The following SV2C variants were observed in gnomAD, a reference collection of about 807,000 sequenced individuals.
SV2C encodes the protein synaptic vesicle glycoprotein 2C.
Under a neutral mutation model 79.7 loss-of-function variants are expected in SV2C, and 49 were observed. The ratio of observed to expected loss-of-function variants is 0.61; its 90% CI spans 0.49 to 0.78. The LOEUF (loss-of-function observed/expected upper bound fraction) is 0.78. SV2C is among the 30% of genes least tolerant of loss of function. The probability of loss-of-function intolerance (pLI) is 0.00; values close to 1 mark genes in which losing one functional copy is unlikely to be tolerated. For synonymous variants in SV2C, 334 were observed against 333.2 expected, an observed-to-expected ratio of 1.00 and a Z score of -0.03; for missense variants, 833 against 912.9, an observed-to-expected ratio of 0.91 and a Z score of 1.13.
chr5:75,943,081 GA>G, the SV2C span, among the ~76,000 whole-genome samples: 1 of 152,178 alleles, frequency 6.6e-6, no homozygotes, highest in East Asian at 1.9e-4. Context: ...AGCTGGGTCT[GA>G]AAGTGGCCAT....
the SV2C span, among the ~76,000 whole-genome samples, chr5:75,918,140 G>A: frequency 6.6e-6 from 1 of 152,172 alleles, no homozygotes; most frequent in Non-Finnish European, 1.5e-5. Context: ...TATTTGGCAA[G>A]TGAACAAATA....
downstream of SV2C, among the ~76,000 whole-genome samples, chr5:76,337,067 T>C (rs545046597): frequency 6.6e-6 from 1 of 152,232 alleles, no homozygotes; most frequent in African/African-American, 2.4e-5. Flanking sequence ...TGCAATGAAG[T>C]TGCTATCATT....
chr5:76,289,289 C>G (rs1747463801), intron 6 of SV2C, among the ~76,000 whole-genome samples: 1 of 152,160 alleles, frequency 6.6e-6, no homozygotes, highest in Non-Finnish European at 1.5e-5. Context: ...CCTATTCACT[C>G]TCCTTAGCTG....
the SV2C span, among the ~76,000 whole-genome samples, chr5:76,058,348 T>C: frequency 2.0e-5 from 3 of 152,088 alleles, no homozygotes; most frequent in Non-Finnish European, 2.9e-5. Flanking sequence ...AATTCCCCCA[T>C]CAACCCTGGA....
the SV2C span, among the ~76,000 whole-genome samples, chr5:76,066,462 G>T: frequency 9.1e-6 from 1 of 109,834 alleles, no homozygotes; most frequent in African/African-American, 3.4e-5. Context: ...GTGGGGGGAG[G>T]GGGGAGGGGG....
At chr5:76,258,950 A>G (rs940573892) in intron 4 of SV2C, among the ~76,000 whole-genome samples, 2 of 152,166 alleles carry the variant, frequency 1.3e-5, no homozygotes, top group African/African-American at 4.8e-5. Flanking sequence ...TTTAAAATTC[A>G]TCCTGGTTGT....
chr5:76,318,996 CT>C (rs1196914732), intron 12 of SV2C, among the ~76,000 whole-genome samples: 1 of 152,168 alleles, frequency 6.6e-6, no homozygotes, highest in African/African-American at 2.4e-5. Flanking sequence ...ATACAGTTTC[CT>C]TTAAGTAAGA....
intron 11 of SV2C, 126 bp downstream of exon 11, chr5:76,301,058 T>C (rs1747981091): frequency 1.9e-6 from 2 of 1,058,510 alleles, no homozygotes; most frequent in Admixed American, 2.4e-5. Flanking sequence ...AGACCTTACG[T>C]TGGGACTAAA....
At chr5:75,910,281 A>T in the SV2C span, 1 of 494,336 alleles carries the variant, frequency 2.0e-6, no homozygotes, top group Non-Finnish European at 4.0e-6. Context: ...ATAAAAAATT[A>T]GTTTTCCATG....
the SV2C span, among the ~76,000 whole-genome samples, chr5:76,034,266 C>A: frequency 6.6e-6 from 1 of 151,786 alleles, no homozygotes; most frequent in East Asian, 1.9e-4. Context: ...ATTGCCCTGG[C>A]CAGAACTTCC....
At chr5:75,925,534 A>G in the SV2C span, among the ~76,000 whole-genome samples, 2 of 152,168 alleles carry the variant, frequency 1.3e-5, no homozygotes, top group East Asian at 3.9e-4. Context: ...CCATACACAT[A>G]GAGTGCTGGA....
At chr5:76,107,170 G>A (rs1269690597) in intron 1 of SV2C, among the ~76,000 whole-genome samples, 2 of 152,180 alleles carry the variant, frequency 1.3e-5, no homozygotes, top group African/African-American at 4.8e-5. Context: ...AAGAAAATCA[G>A]TAAGCAATCC....
chr5:75,900,553 C>T, the SV2C span, among the ~76,000 whole-genome samples: 1 of 152,098 alleles, frequency 6.6e-6, no homozygotes, highest in Non-Finnish European at 1.5e-5. Flanking sequence ...TGGAGTTGCT[C>T]TTCTCGAGGA....
the SV2C span, among the ~76,000 whole-genome samples, chr5:75,897,589 T>C: frequency 2.4e-4 from 36 of 150,690 alleles, no homozygotes; most frequent in Non-Finnish European, 3.6e-4. Flanking sequence ...AAGTAGTTTT[T>C]TCCAATTCTG....
intron 4 of SV2C, among the ~76,000 whole-genome samples, chr5:76,260,517 C>T (rs1746430540): frequency 6.6e-6 from 1 of 152,152 alleles, no homozygotes; most frequent in African/African-American, 2.4e-5. Context: ...AGTCTATGCC[C>T]ATGCCTATGT....
At chr5:76,105,604 A>T in intron 1 of SV2C, among the ~76,000 whole-genome samples, 1 of 152,064 alleles carries the variant, frequency 6.6e-6, no homozygotes, top group Non-Finnish European at 1.5e-5. Flanking sequence ...TCTTCCTTGC[A>T]GTTGCTACCT....
At chr5:76,105,574 G>T (rs1747882768) in intron 1 of SV2C, among the ~76,000 whole-genome samples, 1 of 152,062 alleles carries the variant, frequency 6.6e-6, no homozygotes, top group Non-Finnish European at 1.5e-5. Context: ...TGCTCCCCCA[G>T]CCCTAGAGGT....
chr5:75,983,445 G>T, the SV2C span, among the ~76,000 whole-genome samples: 1 of 152,050 alleles, frequency 6.6e-6, no homozygotes, highest in Non-Finnish European at 1.5e-5. Flanking sequence ...GCTGATAGTG[G>T]CATTCTTTTA....
chr5:76,084,003 G>T (rs930555613), intron 1 of SV2C: 5 of 152,302 alleles, frequency 3.3e-5, no homozygotes, highest in African/African-American at 1.2e-4. Context: ...AGACGTGCAG[G>T]TGGCGGGAGA....
Sources: allele counts gnomAD v4.1 joint callset (sites outside exome capture counted in the v4.1 genomes callset), GRCh38; gene constraint gnomAD v4.1.1; transcripts MANE v1.5; gene names NCBI Gene and HGNC (gene_info 2026-07-23, HGNC 2026-07-21).